ERICH5: variants seen among roughly 807,000 people sequenced by gnomAD.
ERICH5 encodes the protein glutamate-rich protein 5.
ERICH5 carries 24 observed loss-of-function variants against 28.0 expected under a neutral mutation model. That is an observed-to-expected ratio of 0.86 (90% CI 0.62 to 1.21). The LOEUF (loss-of-function observed/expected upper bound fraction) is 1.21, where lower values mean the gene tolerates loss of function less well. Among genes scored for constraint, ERICH5 ranks in the 50% most tolerant of loss-of-function variants. The probability of loss-of-function intolerance (pLI) is 0.00; values close to 1 mark genes in which losing one functional copy is unlikely to be tolerated. For synonymous variants in ERICH5, 163 were observed against 157.6 expected, an observed-to-expected ratio of 1.03 and a Z score of -0.25; for missense variants, 421 against 441.2, an observed-to-expected ratio of 0.95 and a Z score of 0.41.
chr8:98,091,946 T>C (rs1815413367), intron 2 of ERICH5, among the ~76,000 whole-genome samples: 1 of 27,066 alleles, frequency 3.7e-5, no homozygotes, highest in African/African-American at 1.1e-4. Flanking sequence ...CCTTTCTTTC[T>C]TTCTTCTTTC....
intron 1 of ERICH5, among the ~76,000 whole-genome samples, chr8:98,072,697 G>T (rs935281734): frequency 1.3e-5 from 2 of 152,086 alleles, no homozygotes; most frequent in East Asian, 3.9e-4. Context: ...CATTCCAGCT[G>T]CTCTGTCATT....
intron 1 of ERICH5, among the ~76,000 whole-genome samples, chr8:98,080,184 T>C (rs1297479521): frequency 6.6e-6 from 1 of 152,202 alleles, no homozygotes; most frequent in Non-Finnish European, 1.5e-5. Context: ...TCATGTCAGA[T>C]ACCATGCTGG....
chr8:98,083,754 C>A (rs761532378), intron 1 of ERICH5, among the ~76,000 whole-genome samples: 2 of 152,188 alleles, frequency 1.3e-5, no homozygotes, highest in Admixed American at 6.5e-5. Flanking sequence ...GAGATTTATA[C>A]GTCCAACAGC....
At chr8:98,070,785 A>G (rs1814903408) in intron 1 of ERICH5, among the ~76,000 whole-genome samples, 1 of 151,882 alleles carries the variant, frequency 6.6e-6, no homozygotes, top group Non-Finnish European at 1.5e-5. Context: ...AGAGACGGGG[A>G]TTCAGGGAGG....
chr8:98,074,268 C>A (rs1241990245), intron 1 of ERICH5, among the ~76,000 whole-genome samples: 1 of 151,980 alleles, frequency 6.6e-6, no homozygotes, highest in Non-Finnish European at 1.5e-5. Flanking sequence ...AATAATAGCA[C>A]AAATGGTAAA....
intron 1 of ERICH5, among the ~76,000 whole-genome samples, chr8:98,085,164 TTTTTTTTTTTTTTTG>T: frequency 6.8e-5 from 3 of 44,440 alleles, no homozygotes; most frequent in South Asian, 1.0e-3. Flanking sequence ...TTTTTTTTTT[TTTTTTTTTTTTTTTG>T]AGACGGAGTC....
intron 1 of ERICH5, among the ~76,000 whole-genome samples, chr8:98,077,161 C>T (rs902051509): frequency 1.3e-5 from 2 of 152,108 alleles, no homozygotes; most frequent in Admixed American, 1.3e-4. Flanking sequence ...AATAGTCCCC[C>T]TATGGAGTTG....
At chr8:98,085,848 A>C (rs1815267874) in intron 1 of ERICH5, among the ~76,000 whole-genome samples, 2 of 152,170 alleles carry the variant, frequency 1.3e-5, no homozygotes, top group Admixed American at 6.5e-5. Context: ...CACTCAACTC[A>C]TGTGTGACTT....
At position 98,090,021 on chromosome 8, in the gene ERICH5, G is replaced by A. The variant is rs575526227; in HGVS notation, c.1004G>A (p.Arg335His). 9.3e-6 allele frequency: 15 copies of A among 1,607,326 alleles called. No homozygotes were observed. The highest frequency in any genetic ancestry group is 8.9e-5 in the East Asian group (4 of 44,778). ...RNIHTNEEDQ[R>H]IEGETGEKVE... ...ATCCATACTAATGAAGAGGACCAAC[G>A]CATTGAAGGTAAAAGTTATGCTGGC... Residue 335 changes from arginine (R) to histidine (H), a missense_variant, in exon 2 of 3, where the codon CGC becomes CAC. Arg to His is a conservative substitution (Grantham distance 29). Transcript: ENST00000318528.
At chr8:98,085,758 A>G (rs1815265371) in intron 1 of ERICH5, among the ~76,000 whole-genome samples, 2 of 152,200 alleles carry the variant, frequency 1.3e-5, no homozygotes, top group Non-Finnish European at 1.5e-5. Context: ...CTTCTGCGCC[A>G]GCCTCCAGCC....
intron 1 of ERICH5, among the ~76,000 whole-genome samples, chr8:98,073,884 G>A (rs1162134579): frequency 6.9e-6 from 1 of 145,614 alleles, no homozygotes; most frequent in African/African-American, 2.5e-5. Flanking sequence ...CCCTGAGTTT[G>A]TTGATTTCCT....
intron 1 of ERICH5, among the ~76,000 whole-genome samples, chr8:98,078,184 G>A (rs533369722): frequency 6.6e-6 from 1 of 152,352 alleles, no homozygotes; most frequent in East Asian, 1.9e-4. Context: ...GTTCGTACAT[G>A]CTTTGATGTG....
intron 1 of ERICH5, among the ~76,000 whole-genome samples, chr8:98,072,631 C>A (rs1586198810): frequency 1.3e-5 from 2 of 151,904 alleles, no homozygotes; most frequent in Admixed American, 1.3e-4. Flanking sequence ...GAGTGAGACT[C>A]CATCTAAAAA....
intron 2 of ERICH5, among the ~76,000 whole-genome samples, chr8:98,091,900 C>CTTTCTTTTCTTTCTTTCTTT: frequency 2.7e-5 from 2 of 74,708 alleles, no homozygotes; most frequent in African/African-American, 1.1e-4. Context: ...TTCTTTCTTT[C>CTTTCTTTTCTTTCTTTCTTT]CTTTCTTTCT....
At chr8:98,086,350 G>A (rs1407376237) in intron 1 of ERICH5, among the ~76,000 whole-genome samples, 2 of 152,162 alleles carry the variant, frequency 1.3e-5, no homozygotes, top group African/African-American at 2.4e-5. Context: ...GGAGCTGGTG[G>A]CTTGGTACCT....
intron 1 of ERICH5, among the ~76,000 whole-genome samples, chr8:98,078,731 TTA>T (rs1815108506): frequency 6.6e-6 from 1 of 152,178 alleles, no homozygotes; most frequent in African/African-American, 2.4e-5. Flanking sequence ...ATGGATCAAT[TTA>T]CAACAGAATC....
chr8:98,079,435 A>G (rs1018133837), intron 1 of ERICH5, among the ~76,000 whole-genome samples: 6 of 152,198 alleles, frequency 3.9e-5, no homozygotes, highest in East Asian at 1.9e-4. Context: ...AATCAAAGCC[A>G]GCAAACAGAA....
chr8:98,091,834 CTTTTTCTT>C (rs1379190158), intron 2 of ERICH5, among the ~76,000 whole-genome samples: 6 of 134,784 alleles, frequency 4.5e-5, no homozygotes, highest in East Asian at 2.3e-4. Flanking sequence ...CTTTCTTTTT[CTTTTTCTT>C]TCTTTCTTTC....
chr8:98,086,148 A>G (rs920056114), intron 1 of ERICH5, among the ~76,000 whole-genome samples: 1 of 152,246 alleles, frequency 6.6e-6, no homozygotes, highest in African/African-American at 2.4e-5. Context: ...GACAGTAAAG[A>G]GATTTAAAAA....
Sources: allele counts gnomAD v4.1 joint callset (sites outside exome capture counted in the v4.1 genomes callset), GRCh38; gene constraint gnomAD v4.1.1; transcripts MANE v1.5; gene names NCBI Gene and HGNC (gene_info 2026-07-23, HGNC 2026-07-21).